Variants in HDAC9 observed in about 807,000 individuals in gnomAD.
The protein encoded by HDAC9 is histone deacetylase 9.
In HDAC9, 41 loss-of-function variants were observed where a neutral mutation model predicts 139.4. That is an observed-to-expected ratio of 0.29 (90% CI 0.23 to 0.38). The LOEUF (loss-of-function observed/expected upper bound fraction) is 0.38, where lower values mean the gene tolerates loss of function less well. Ranked by LOEUF, HDAC9 falls within the 10% of genes least tolerant of loss-of-function variation. The probability of loss-of-function intolerance (pLI) is 1.00; values close to 1 mark genes in which losing one functional copy is unlikely to be tolerated. For synonymous variants in HDAC9, 517 were observed against 476.2 expected (o/e 1.09, Z -1.12); for missense variants, 1,147 against 1,297.0 (o/e 0.88, Z 1.78).
In HDAC9 at chr7:18,569,872, GA is replaced by G. The variant is rs528468143; in HGVS notation, c.23-15401del. Among the ~76,000 whole-genome samples, 1,115 of 151,500 alleles carry G rather than the reference GA, an allele frequency of 7.4e-3. 10 individuals carry two copies. The highest frequency in any genetic ancestry group is 0.025 in the African/African-American group (1,043 of 41,328). On this transcript the variant is annotated intron_variant, in intron 2 of 25. Transcript: ENST00000686413. ...CAGGGAACCTAAAAAAAAACTGAAG[GA>G]AAAAAAATAGACCATCACAGTCTAT...
chr7:18,175,942 G>C (rs964085082), intron 2 of HDAC9, among the ~76,000 whole-genome samples: 2 of 152,094 alleles, frequency 1.3e-5, no homozygotes, highest in African/African-American at 4.8e-5. Flanking sequence ...CCACTGGAAA[G>C]TGTTCTGGGT....
At chr7:18,730,968 A>G (rs1785992191) in intron 13 of HDAC9, among the ~76,000 whole-genome samples, 1 of 152,192 alleles carries the variant, frequency 6.6e-6, no homozygotes, top group Non-Finnish European at 1.5e-5. Flanking sequence ...TGCCACAGTC[A>G]ACCTGTCATC....
At chr7:18,316,761 G>A (rs570834221) in intron 1 of HDAC9, among the ~76,000 whole-genome samples, 3 of 152,072 alleles carry the variant, frequency 2.0e-5, no homozygotes, top group Non-Finnish European at 4.4e-5. Flanking sequence ...AGGTTGTGGC[G>A]AGCCAAGATT....
intron 2 of HDAC9, among the ~76,000 whole-genome samples, chr7:18,173,106 A>G (rs1788579109): frequency 6.6e-6 from 1 of 152,144 alleles, no homozygotes; most frequent in Non-Finnish European, 1.5e-5. Flanking sequence ...GTAGGTCTCT[A>G]AGGACTTGCT....
At chr7:18,117,742 T>G (rs1784098532) in intron 1 of HDAC9, among the ~76,000 whole-genome samples, 1 of 152,134 alleles carries the variant, frequency 6.6e-6, no homozygotes, top group Non-Finnish European at 1.5e-5. Flanking sequence ...ATTTCAGACT[T>G]CTGGCCTTGA....
chr7:18,745,093 G>A (rs1787817696), intron 13 of HDAC9, among the ~76,000 whole-genome samples: 2 of 152,102 alleles, frequency 1.3e-5, no homozygotes, highest in Non-Finnish European at 2.9e-5. Context: ...AATTCCATAT[G>A]AATTGCAAAG....
intron 23 of HDAC9, among the ~76,000 whole-genome samples, chr7:18,953,121 A>G (rs2129323734): frequency 6.6e-6 from 1 of 152,166 alleles, no homozygotes; most frequent in East Asian, 1.9e-4. Context: ...ACAGATGAAG[A>G]GACATAGATG....
At chr7:18,107,673 A>T (rs1215733666) in intron 1 of HDAC9, among the ~76,000 whole-genome samples, 2 of 152,202 alleles carry the variant, frequency 1.3e-5, no homozygotes, top group African/African-American at 4.8e-5. Context: ...TTTTAAACTG[A>T]CACCTCCCCT....
At chr7:18,231,403 A>G (rs759333982) in intron 2 of HDAC9, among the ~76,000 whole-genome samples, 1 of 152,124 alleles carries the variant, frequency 6.6e-6, no homozygotes, top group Non-Finnish European at 1.5e-5. Context: ...TGTGCTCCCC[A>G]CTACACCAGT....
chr7:19,001,439 T>C lies in HDAC9; in HGVS notation c.*5377T>C, dbSNP rs184970901. On this transcript the variant is annotated 3_prime_UTR_variant, in exon 26 of 26. Coordinates refer to ENST00000686413, the MANE Select transcript of HDAC9 (RefSeq NM_178425.4). ...TTGTGGTCATGTCCTTAATCCTTCA[T>C]TGTGATGCCCCTTCTTGGAGTTGGC... 44 of 152,160 alleles carry C rather than the reference T, an allele frequency of 2.9e-4. No individual in the cohort carries two copies. The East Asian group carries it at 2.9e-3, about 10-fold the overall frequency. 9.4% of individuals were successfully genotyped at this position (152,160 alleles called of 1,614,324 possible).
chr7:18,372,196 A>C (rs1034172421), intron 1 of HDAC9, among the ~76,000 whole-genome samples: 1 of 152,254 alleles, frequency 6.6e-6, no homozygotes, highest in African/African-American at 2.4e-5. Context: ...GTGCAAGCCA[A>C]GTTCAAAGCC....
chr7:18,166,792 C>A (rs902477240), intron 2 of HDAC9, among the ~76,000 whole-genome samples: 1 of 152,116 alleles, frequency 6.6e-6, no homozygotes, highest in Non-Finnish European at 1.5e-5. Context: ...TGCCATTTAG[C>A]CATTAAGTAG....
intron 17 of HDAC9, among the ~76,000 whole-genome samples, chr7:18,808,438 C>G (rs543433313): frequency 3.4e-4 from 51 of 151,994 alleles, no homozygotes; most frequent in African/African-American, 1.1e-3. Flanking sequence ...AAAGACTCAC[C>G]AAAATACTGT....
intron 15 of HDAC9, among the ~76,000 whole-genome samples, chr7:18,766,562 C>G (rs1205097266): frequency 6.6e-6 from 1 of 152,108 alleles, no homozygotes; most frequent in African/African-American, 2.4e-5. Context: ...GGCTTTAGCT[C>G]TATCTTAAAG....
At chr7:18,676,333 G>C (rs993365116) in intron 12 of HDAC9, among the ~76,000 whole-genome samples, 1 of 151,764 alleles carries the variant, frequency 6.6e-6, no homozygotes, top group African/African-American at 2.4e-5. Flanking sequence ...AAATGTTCTG[G>C]GAAACTTCCC....
At chr7:18,405,415 T>A (rs1029113312) in intron 1 of HDAC9, among the ~76,000 whole-genome samples, 2 of 152,150 alleles carry the variant, frequency 1.3e-5, no homozygotes, top group Non-Finnish European at 2.9e-5. Flanking sequence ...CTCCCCATAA[T>A]CATCCCCCTA....
intron 11 of HDAC9, among the ~76,000 whole-genome samples, chr7:18,649,705 C>G (rs1278960226): frequency 1.3e-5 from 2 of 152,130 alleles, no homozygotes; most frequent in Non-Finnish European, 2.9e-5. Flanking sequence ...GGATCTTCAT[C>G]ACTTGCTGGT....
chr7:18,631,232 T>C (rs992957931), intron 7 of HDAC9, among the ~76,000 whole-genome samples: 2 of 152,176 alleles, frequency 1.3e-5, no homozygotes, highest in African/African-American at 2.4e-5. Flanking sequence ...CTTCTTAATT[T>C]CGTGAGATAA....
chr7:18,090,353 A>G (rs953346594), intron 1 of HDAC9, among the ~76,000 whole-genome samples: 3 of 152,226 alleles, frequency 2.0e-5, no homozygotes, highest in Non-Finnish European at 2.9e-5. Context: ...ATCAGTCAAT[A>G]TAGTCATAAG....
Sources: gnomAD v4.1 joint callset for allele counts (sites outside exome capture counted in the v4.1 genomes callset) on GRCh38, gnomAD v4.1.1 for gene constraint, MANE v1.5 for transcripts, NCBI Gene and HGNC (gene_info 2026-07-23, HGNC 2026-07-21) for gene names.